The following ACOXL variants were observed in gnomAD, a reference collection of about 807,000 sequenced individuals.
ACOXL encodes the protein acyl-CoA oxidase like, also known as acyl-coenzyme A oxidase-like protein.
Under a neutral mutation model 71.9 loss-of-function variants are expected in ACOXL, and 70 were observed. The ratio of observed to expected loss-of-function variants is 0.97; its 90% CI spans 0.80 to 1.19. The LOEUF (loss-of-function observed/expected upper bound fraction) is 1.19, where lower values mean the gene tolerates loss of function less well. Among genes scored for constraint, ACOXL ranks in the 50% most tolerant of loss-of-function variants. ACOXL has a pLI of 0.00. For synonymous variants in ACOXL, 253 were observed against 281.6 expected (o/e 0.90, Z 1.02); for missense variants, 703 against 736.3 (o/e 0.95, Z 0.52).
chr2:111,007,712 T>C (rs1473432406), intron 14 of ACOXL, among the ~76,000 whole-genome samples: 1 of 152,230 alleles, frequency 6.6e-6, no homozygotes, highest in Non-Finnish European at 1.5e-5. Flanking sequence ...AACCAGCATC[T>C]GGTCTCTGGG....
At chr2:110,994,792 G>A (rs1344659847) in intron 13 of ACOXL, among the ~76,000 whole-genome samples, 1 of 152,104 alleles carries the variant, frequency 6.6e-6, no homozygotes, top group East Asian at 1.9e-4. Context: ...CATCTCTGTA[G>A]CACATCCTCC....
chr2:110,873,274 C>T (rs948340514), intron 10 of ACOXL, among the ~76,000 whole-genome samples: 6 of 151,968 alleles, frequency 3.9e-5, no homozygotes, highest in Admixed American at 1.3e-4. Context: ...CGCCCAGGCA[C>T]GCCATCGTTT....
chr2:110,934,352 T>A (rs1277468938), intron 12 of ACOXL, among the ~76,000 whole-genome samples: 1 of 152,098 alleles, frequency 6.6e-6, no homozygotes, highest in African/African-American at 2.4e-5. Flanking sequence ...AGCTGTGCAC[T>A]TCATTCGAAT....
chr2:110,900,636 G>A (rs1176011375), intron 10 of ACOXL, among the ~76,000 whole-genome samples: 1 of 152,186 alleles, frequency 6.6e-6, no homozygotes, highest in African/African-American at 2.4e-5. Context: ...GGGATATGAT[G>A]TTGACTTGGT....
chr2:110,779,918 A>G (rs376159504), intron 2 of ACOXL, among the ~76,000 whole-genome samples: 2 of 152,368 alleles, frequency 1.3e-5, no homozygotes, highest in South Asian at 2.1e-4. Context: ...AGACTCAAAA[A>G]TCACTTGAAC....
At chr2:110,871,243 T>C (rs1356364904) in intron 10 of ACOXL, among the ~76,000 whole-genome samples, 2 of 152,024 alleles carry the variant, frequency 1.3e-5, no homozygotes, top group South Asian at 2.1e-4. Flanking sequence ...TCTGGCTTTG[T>C]TTAGTAGTCT....
intron 12 of ACOXL, among the ~76,000 whole-genome samples, chr2:110,948,777 G>A (rs1387508007): frequency 6.6e-6 from 1 of 150,954 alleles, no homozygotes. Flanking sequence ...AGCCCTAGGC[G>A]GGACTCGAAG....
At chr2:110,970,364 A>G (rs999964125) in intron 12 of ACOXL, among the ~76,000 whole-genome samples, 1 of 152,232 alleles carries the variant, frequency 6.6e-6, no homozygotes, top group African/African-American at 2.4e-5. Context: ...GCAATCCACC[A>G]CATCAACAGA....
At chr2:110,958,370 A>G (rs2061580052) in intron 12 of ACOXL, among the ~76,000 whole-genome samples, 1 of 152,226 alleles carries the variant, frequency 6.6e-6, no homozygotes, top group African/African-American at 2.4e-5. Context: ...CACGCAGGCC[A>G]GTCTGTGTGT....
chr2:110,805,176 T>A, intron 8 of ACOXL, 87 bp from the exon 9 acceptor site: 1 of 1,531,860 alleles, frequency 6.5e-7, no homozygotes, highest in Non-Finnish European at 8.9e-7. Context: ...AGTGCTTCCC[T>A]GTGTATGCAC....
intron 16 of ACOXL, among the ~76,000 whole-genome samples, chr2:111,063,584 T>C (rs2066918511): frequency 6.6e-6 from 1 of 152,202 alleles, no homozygotes. Context: ...CAATTACTCA[T>C]GATAACAACT....
Position 110,752,001 on chromosome 2 carries a change from T to TTTTC in ACOXL, c.-22-16352_-22-16349dup, listed in dbSNP as rs941007533. On this transcript the variant is annotated intron_variant, in intron 1 of 17. Transcript: ENST00000439055. ...AATACATAGTAGATAATCCCATTTCTTTTCTTTCTTTCTTTCTTCTTCTTT... is the reference window on the plus strand; with the variant it reads ...AATACATAGTAGATAATCCCATTTCTTTTCTTTCTTTCTTTCTTTCTTCTTCTTT... Among the ~76,000 whole-genome samples the TTTTC allele has an allele frequency of 1.5e-4, 23 of 151,972 alleles. No individual in the cohort carries two copies. The South Asian group carries it at 3.1e-3, about 21-fold the overall frequency.
chr2:110,801,886 A>G (rs1686050270), intron 8 of ACOXL, among the ~76,000 whole-genome samples, 162 bp downstream of exon 8: 1 of 152,218 alleles, frequency 6.6e-6, no homozygotes, highest in Non-Finnish European at 1.5e-5. Flanking sequence ...ACGTCTGCAG[A>G]TAGAAAAAAG....
At chr2:111,079,250 C>T (rs1056267737) in intron 16 of ACOXL, among the ~76,000 whole-genome samples, 2 of 152,078 alleles carry the variant, frequency 1.3e-5, no homozygotes, top group Admixed American at 6.6e-5. Context: ...TCTCATCTAT[C>T]CCCCCAGCCT....
At chr2:110,997,675 A>T (rs2063457837) in intron 14 of ACOXL, among the ~76,000 whole-genome samples, 1 of 152,256 alleles carries the variant, frequency 6.6e-6, no homozygotes, top group Non-Finnish European at 1.5e-5. Flanking sequence ...AAAAAGAATC[A>T]AAATGAATAA....
At position 110,890,387 on chromosome 2, in the gene ACOXL, T is replaced by G. The variant is rs182182323; in HGVS notation, c.789-18402T>G. Among the ~76,000 whole-genome samples the G allele has an allele frequency of 1.4e-3, 212 of 152,318 alleles. 1 individual carries two copies. Among genetic ancestry groups the G allele is most frequent in the Admixed American group, 2.5e-3 (39 of 15,304 alleles). On this transcript the variant is annotated intron_variant, in intron 10 of 17. Coordinates refer to ENST00000439055, the MANE Select transcript of ACOXL (RefSeq NM_001142807.4). ...GTATCATACCTAAGGAACCATTGCC[T>G]AATCCAAGGTCATGAGGATTTGCTG...
intron 10 of ACOXL, among the ~76,000 whole-genome samples, chr2:110,890,471 T>G (rs1574007839): frequency 6.6e-6 from 1 of 152,290 alleles, no homozygotes; most frequent in Non-Finnish European, 1.5e-5. Context: ...TGTGATCCAT[T>G]TTGAGTTAAT....
intron 17 of ACOXL, chr2:111,102,098 A>G (rs2069204111): frequency 6.6e-6 from 1 of 152,636 alleles, no homozygotes; most frequent in Non-Finnish European, 1.5e-5. Flanking sequence ...AAATAGGGAA[A>G]ATATGAGTAC....
chr2:110,995,696 A>G (rs1260064868), intron 13 of ACOXL, among the ~76,000 whole-genome samples, 197 bp from the exon 14 acceptor site: 1 of 152,144 alleles, frequency 6.6e-6, no homozygotes. Flanking sequence ...ACAACCACCT[A>G]GAATAAACTA....
Sources: gnomAD v4.1 joint callset for allele counts (sites outside exome capture counted in the v4.1 genomes callset) on GRCh38, gnomAD v4.1.1 for gene constraint, MANE v1.5 for transcripts, NCBI Gene and HGNC (gene_info 2026-07-23, HGNC 2026-07-21) for gene names.